The following GLIPR1 variants were observed in gnomAD, a reference collection of about 807,000 sequenced individuals.
GLIPR1 encodes GLI pathogenesis related 1, also known as glioma pathogenesis-related protein 1.
GLIPR1 carries 38 observed loss-of-function variants against 30.3 expected under a neutral mutation model. The ratio of observed to expected loss-of-function variants is 1.26; its 90% CI spans 0.97 to 1.65. The LOEUF is 1.65. Ranked by LOEUF, GLIPR1 falls within the 40% of genes most tolerant of loss-of-function variation. The pLI, the probability that GLIPR1 is intolerant of heterozygous loss-of-function variation, is 0.00. For synonymous variants in GLIPR1, 122 were observed against 110.6 expected (o/e 1.10, Z -0.65); for missense variants, 285 against 326.5 (o/e 0.87, Z 0.98).
rs1302345916 is a variant in GLIPR1 at position 75,499,004 on chromosome 12, A to G, written c.*26A>G. On this transcript the variant is annotated 3_prime_UTR_variant, in exon 6 of 6. Transcript: ENST00000266659. ...TACAATTCAGGAAAGAAAAAACCCA[A>G]AAACCAACCTCATTCACATATGGCT... 6.6e-7 allele frequency: 1 copy of G among 1,503,790 alleles called. No individual in the cohort carries two copies. Among genetic ancestry groups the G allele is most frequent in the African/African-American group, 1.4e-5 (1 of 70,508 alleles). The allele number at this position is 1,503,790 out of a possible 1,614,324, so 93.2% of individuals were successfully genotyped here. A position where few individuals can be genotyped will look rare whatever the true frequency, so the allele number is the denominator to read the frequency against.
At chr12:75,492,597 C>A (rs1369336244) in intron 3 of GLIPR1, 1 of 152,140 alleles carries the variant, frequency 6.6e-6, no homozygotes, top group Non-Finnish European at 1.5e-5. Context: ...GATTTTTATT[C>A]ATTAAAGTAT....
At chr12:75,483,879 G>A (rs2046282238) in intron 2 of GLIPR1, 1 of 152,142 alleles carries the variant, frequency 6.6e-6, no homozygotes, top group African/African-American at 2.4e-5. Flanking sequence ...CAAATATATA[G>A]AGGTCAAAAG....
At chr12:75,481,753 G>A (rs919199957) in intron 1 of GLIPR1, 81 bp from the exon 2 acceptor site, 43 of 1,323,074 alleles carry the variant, frequency 3.3e-5, no homozygotes, top group East Asian at 1.6e-4. Flanking sequence ...ATCTCACCTC[G>A]TTTTCCATTC....
chr12:75,503,219 T>C lies in GLIPR1; in HGVS notation c.*4241T>C, dbSNP rs1287165123. The C allele has an allele frequency of 6.6e-6, 1 of 152,114 alleles. No homozygotes were observed. Among genetic ancestry groups the C allele is most frequent in the East Asian group, 1.9e-4 (1 of 5,200 alleles). 9.4% of individuals were successfully genotyped at this position (152,114 alleles called of 1,614,324 possible). ...TATCTGGTGGTCTCAAATATTTCAA[T>C]AAAATGCAATGTCATATGCTAAACA... On this transcript the variant is annotated 3_prime_UTR_variant, in exon 6 of 6. Transcript: ENST00000266659.
chr12:75,485,649 C>G (rs2120506172), intron 2 of GLIPR1, among the ~76,000 whole-genome samples: 1 of 150,158 alleles, frequency 6.7e-6, no homozygotes, highest in Non-Finnish European at 1.5e-5. Flanking sequence ...CTCCCGGGTT[C>G]ACGCCATTCT....
At chr12:75,490,234 C>CACACACACACACACA in intron 2 of GLIPR1, among the ~76,000 whole-genome samples, 172 bp from the exon 3 acceptor site, 1 of 143,222 alleles carries the variant, frequency 7.0e-6, no homozygotes, top group Middle Eastern at 3.5e-3. Context: ...CACACACACA[C>CACACACACACACACA]CCCAATAATG....
In GLIPR1 at chr12:75,503,830, C is replaced by T. The variant is rs1167853251; in HGVS notation, c.*4852C>T. On this transcript the variant is annotated 3_prime_UTR_variant, in exon 6 of 6. Transcript: ENST00000266659. ...ATATACACATATCCCACCTGAAATA[C>T]TTTCAATAAAGTTTCTGACCAAATA... is the stretch of plus-strand genomic sequence containing the variant. The T allele has an allele frequency of 3.0e-6, 4 of 1,331,748 alleles. No individual in the cohort carries two copies. The highest frequency in any genetic ancestry group is 2.6e-4 in the Middle Eastern group (1 of 3,810). 82.5% of individuals were successfully genotyped at this position (1,331,748 alleles called of 1,614,324 possible).
Position 75,500,491 on chromosome 12 carries a change from A to ATT in GLIPR1, c.*1513_*1514insTT. On this transcript the variant is annotated 3_prime_UTR_variant, in exon 6 of 6. Transcript: ENST00000266659. The stretch of plus-strand genomic sequence containing the variant: ...TTCAATATTAATTGAATATTCAATG[A>ATT]ATTAATTCATTTAATGTTAGATTAA... 2.5e-5 allele frequency: 1 copy of ATT among 39,552 alleles called. No homozygotes were observed. The highest frequency in any genetic ancestry group is 2.1e-3 in the East Asian group (1 of 466). 2.5% of individuals were successfully genotyped at this position (39,552 alleles called of 1,614,324 possible).
chr12:75,490,085 C>T (rs556809903), intron 2 of GLIPR1, among the ~76,000 whole-genome samples: 7 of 152,140 alleles, frequency 4.6e-5, no homozygotes, highest in African/African-American at 1.7e-4. Context: ...AGTCTCAGTT[C>T]AAATGCTTCC....
Position 75,501,684 on chromosome 12 carries a change from C to A in GLIPR1, c.*2706C>A. On this transcript the variant is annotated 3_prime_UTR_variant, in exon 6 of 6. Coordinates refer to ENST00000266659, the MANE Select transcript of GLIPR1 (RefSeq NM_006851.3). ...ACAAATTTATTATGGGTTTACTTTT[C>A]CTAATTAATAAAGACTTTTACATCA... 2 of 1,323,650 alleles carry A rather than the reference C, an allele frequency of 1.5e-6. No individual in the cohort carries two copies. The highest frequency in any genetic ancestry group is 2.1e-6 in the Non-Finnish European group (2 of 933,324). 82.0% of individuals were successfully genotyped at this position (1,323,650 alleles called of 1,614,324 possible). A position where few individuals can be genotyped will look rare whatever the true frequency, so the allele number is the denominator to read the frequency against.
chr12:75,490,205 A>T (rs1000932057), intron 2 of GLIPR1, among the ~76,000 whole-genome samples: 3 of 139,460 alleles, frequency 2.2e-5, no homozygotes, highest in African/African-American at 5.4e-5. Flanking sequence ...TCACACACAC[A>T]CACACACACA....
intron 2 of GLIPR1, among the ~76,000 whole-genome samples, chr12:75,486,807 T>TGGG (rs36098052): frequency 0.34 from 52,270 of 151,814 alleles, 9,361 homozygotes; most frequent in East Asian, 0.45. Context: ...TGCTGGGGTC[T>TGGG]GGTGGGGGTT....
rs541835101 is a variant in GLIPR1 at position 75,502,102 on chromosome 12, A to G, written c.*3124A>G. 1 of 874,990 alleles carries G rather than the reference A, an allele frequency of 1.1e-6. No homozygotes were observed. The highest frequency in any genetic ancestry group is 1.7e-5 in the African/African-American group (1 of 59,556). The allele number at this position is 874,990 out of a possible 1,614,324, so 54.2% of individuals were successfully genotyped here. On this transcript the variant is annotated 3_prime_UTR_variant, in exon 6 of 6. Transcript: ENST00000266659. ...CTTAGGGTAAAAACAATGGGGTCAA[A>G]CTGATTTATTAATAAAAATGGTAGT... is the stretch of plus-strand genomic sequence containing the variant.
rs1482540552 is a variant in GLIPR1, at chr12:75,498,586, G to C, written c.620-108G>C. On this transcript the variant is annotated intron_variant, in intron 4 of 5. Transcript: ENST00000266659. ...AAACTTGGAAAGTCACTGCAATAAA[G>C]CCAAAGCAAGTTAATGGTCATAATT... 4 of 845,770 alleles carry C rather than the reference G, an allele frequency of 4.7e-6. No individual in the cohort carries two copies. The Admixed American group carries it at 6.7e-5, about 14-fold the overall frequency. The allele number at this position is 845,770 out of a possible 1,614,324, so 52.4% of individuals were successfully genotyped here.
chr12:75,503,845 C>T lies in GLIPR1; in HGVS notation c.*4867C>T, dbSNP rs1392132536. ...ACCTGAAATACTTTCAATAAAGTTT[C>T]TGACCAAATACATTAAAATAGATTC... On this transcript the variant is annotated 3_prime_UTR_variant, in exon 6 of 6. Coordinates refer to ENST00000266659, the MANE Select transcript of GLIPR1 (RefSeq NM_006851.3). The T allele has an allele frequency of 9.7e-6, 14 of 1,447,976 alleles. No individual in the cohort carries two copies. The highest frequency in any genetic ancestry group is 1.2e-5 in the Non-Finnish European group (13 of 1,064,650). The allele number at this position is 1,447,976 out of a possible 1,614,324, so 89.7% of individuals were successfully genotyped here.
intron 4 of GLIPR1, 189 bp from the exon 5 acceptor site, chr12:75,498,505 A>C (rs1177914892): frequency 1.9e-5 from 10 of 531,556 alleles, no homozygotes; most frequent in East Asian, 5.9e-5. Context: ...TTTATGTAAA[A>C]AGTCAACTTA....
intron 2 of GLIPR1, among the ~76,000 whole-genome samples, chr12:75,482,607 C>G (rs1374310005): frequency 6.6e-6 from 1 of 152,048 alleles, no homozygotes; most frequent in Non-Finnish European, 1.5e-5. Flanking sequence ...AGTCCCAGGC[C>G]AACAGAGAGG....
In GLIPR1 at chr12:75,494,591, T is replaced by G. The variant is rs141088185; in HGVS notation, c.534-986T>G. ...TTAATTGGTTTCCTTTATAATCCTA[T>G]GTATTTTATGCATTTAACAACAAAC... is the stretch of plus-strand genomic sequence containing the variant. On this transcript the variant is annotated intron_variant, in intron 3 of 5. Coordinates refer to ENST00000266659, the MANE Select transcript of GLIPR1 (RefSeq NM_006851.3). The G allele has an allele frequency of 2.6e-5, 4 of 152,342 alleles. No individual in the cohort carries two copies. The East Asian group carries it at 7.7e-4, about 29-fold the overall frequency. 9.4% of individuals were successfully genotyped at this position (152,342 alleles called of 1,614,324 possible). A position where few individuals can be genotyped will look rare whatever the true frequency, so the allele number is the denominator to read the frequency against.
rs1391269470 is a variant in GLIPR1 at position 75,499,615 on chromosome 12, C to T, written c.*637C>T. 1 of 336,146 alleles carries T rather than the reference C, an allele frequency of 3.0e-6. No homozygotes were observed. Among genetic ancestry groups the T allele is most frequent in the Admixed American group, 4.5e-5 (1 of 22,048 alleles). 20.8% of individuals were successfully genotyped at this position (336,146 alleles called of 1,614,324 possible). A position where few individuals can be genotyped will look rare whatever the true frequency, so the allele number is the denominator to read the frequency against. ...CGTAATGTATACAAAGACTTATATA[C>T]CACTTTCTCGTATAAATTTTTCAAA... On this transcript the variant is annotated 3_prime_UTR_variant, in exon 6 of 6. Coordinates refer to ENST00000266659, the MANE Select transcript of GLIPR1 (RefSeq NM_006851.3).
Sources: gnomAD v4.1 joint callset for allele counts (sites outside exome capture counted in the v4.1 genomes callset) on GRCh38, gnomAD v4.1.1 for gene constraint, MANE v1.5 for transcripts, NCBI Gene and HGNC (gene_info 2026-07-23, HGNC 2026-07-21) for gene names.